KLRG1: variants seen among roughly 807,000 people sequenced by gnomAD.
KLRG1 encodes killer cell lectin-like receptor subfamily G member 1.
Under a neutral mutation model 21.8 loss-of-function variants are expected in KLRG1, and 16 were observed. That is an observed-to-expected ratio of 0.73 (90% CI 0.50 to 1.11). The LOEUF (loss-of-function observed/expected upper bound fraction) is 1.11, where lower values mean the gene tolerates loss of function less well. Among genes scored for constraint, KLRG1 ranks in the 50% most tolerant of loss-of-function variants. KLRG1 has a pLI of 0.00. For missense variants in KLRG1, 173 were observed against 218.3 expected (o/e 0.79, Z 1.31); for synonymous variants, 69 against 75.9 (o/e 0.91, Z 0.47).
the KLRG1 span, chr12:9,077,305 T>C: frequency 6.4e-7 from 1 of 1,562,234 alleles, no homozygotes; most frequent in Non-Finnish European, 8.8e-7. Context: ...TTTCATTGCA[T>C]CCAGAACTCT....
chr12:9,083,156 C>T, the KLRG1 span, among the ~76,000 whole-genome samples: 89 of 152,142 alleles, frequency 5.8e-4, 1 homozygote, highest in African/African-American at 2.0e-3. Flanking sequence ...AAACAAACAC[C>T]GCATGTTCTC....
chr12:9,195,208 T>C, the KLRG1 span, among the ~76,000 whole-genome samples: 1 of 152,050 alleles, frequency 6.6e-6, no homozygotes, highest in African/African-American at 2.4e-5. Flanking sequence ...CTCCCCAAAA[T>C]TGATACTATG....
At chr12:8,995,349 C>G (rs1947098800) in intron 3 of KLRG1, 61 bp downstream of exon 3, 2 of 1,422,308 alleles carry the variant, frequency 1.4e-6, no homozygotes, top group African/African-American at 2.9e-5. Flanking sequence ...TGTTTTTAAA[C>G]TGCTATTTAA....
chr12:8,951,152 T>G (rs752827022), intron 1 of KLRG1, among the ~76,000 whole-genome samples: 15 of 152,284 alleles, frequency 9.9e-5, no homozygotes, highest in Non-Finnish European at 2.1e-4. Flanking sequence ...TGTATTTCCT[T>G]CATGAATATA....
chr12:9,164,259 C>T, the KLRG1 span: 3 of 1,612,622 alleles, frequency 1.9e-6, no homozygotes, highest in African/African-American at 2.7e-5. Flanking sequence ...TGCACACTGA[C>T]CTATCACCCC....
chr12:9,151,179 C>T, the KLRG1 span, among the ~76,000 whole-genome samples: 1 of 152,104 alleles, frequency 6.6e-6, no homozygotes, highest in African/African-American at 2.4e-5. Flanking sequence ...AGAATGTTAA[C>T]ATTATCATTA....
chr12:9,093,292 AT>A, the KLRG1 span, among the ~76,000 whole-genome samples: 4 of 152,178 alleles, frequency 2.6e-5, no homozygotes. Context: ...GGATGTGTTA[AT>A]TTGCTTGACT....
chr12:9,192,351 T>G, the KLRG1 span: 1 of 1,357,958 alleles, frequency 7.4e-7, no homozygotes, highest in Non-Finnish European at 1.0e-6. Flanking sequence ...GTCAAGTCTG[T>G]GCTGGAGAGA....
chr12:9,174,821 C>A, the KLRG1 span, among the ~76,000 whole-genome samples: 1 of 152,170 alleles, frequency 6.6e-6, no homozygotes, highest in Admixed American at 6.5e-5. Context: ...AGGACACAAA[C>A]AAATGGAGAA....
chr12:9,093,355 T>C, the KLRG1 span: 1 of 713,494 alleles, frequency 1.4e-6, no homozygotes, highest in South Asian at 1.7e-5. Context: ...CAAAACATCA[T>C]GTTGTACATC....
At chr12:8,986,731 C>A (rs1946847187), upstream of KLRG1, among the ~76,000 whole-genome samples, 1 of 152,110 alleles carries the variant, frequency 6.6e-6, no homozygotes, top group African/African-American at 2.4e-5. Context: ...GGATCTGCAT[C>A]CCCACCCAAA....
chr12:9,179,516 C>T, the KLRG1 span, among the ~76,000 whole-genome samples: 1 of 152,160 alleles, frequency 6.6e-6, no homozygotes, highest in South Asian at 2.1e-4. Context: ...ACATTGCTAA[C>T]AAAGGTGTAG....
At chr12:9,130,572 G>GGCA in the KLRG1 span, among the ~76,000 whole-genome samples, 51 of 151,584 alleles carry the variant, frequency 3.4e-4, no homozygotes, top group Non-Finnish European at 6.6e-4. Flanking sequence ...CCTTTTCAAT[G>GGCA]TTTATTAGCC....
chr12:9,104,853 G>A, the KLRG1 span, among the ~76,000 whole-genome samples: 2 of 152,102 alleles, frequency 1.3e-5, no homozygotes, highest in Admixed American at 1.3e-4. Flanking sequence ...ATTTTGGAGT[G>A]GACCATTAAC....
chr12:9,021,403 C>CTTT, the KLRG1 span, among the ~76,000 whole-genome samples: 3 of 137,774 alleles, frequency 2.2e-5, no homozygotes, highest in East Asian at 2.0e-4. Context: ...CTTTTTTACT[C>CTTT]TTTTTTTTTT....
chr12:9,133,199 G>A, the KLRG1 span, among the ~76,000 whole-genome samples: 1 of 152,186 alleles, frequency 6.6e-6, no homozygotes, highest in Non-Finnish European at 1.5e-5. Context: ...AGCTATTCAA[G>A]TAGGGAGCTG....
At chr12:9,000,152 A>G (rs765043892) in intron 3 of KLRG1, among the ~76,000 whole-genome samples, 11 of 152,340 alleles carry the variant, frequency 7.2e-5, no homozygotes, top group Admixed American at 2.0e-4. Context: ...AGAGTAAATT[A>G]TGACTTGTTG....
the KLRG1 span, among the ~76,000 whole-genome samples, chr12:9,206,143 C>T: frequency 6.6e-6 from 1 of 152,208 alleles, no homozygotes; most frequent in Non-Finnish European, 1.5e-5. Flanking sequence ...TTCTGATCTC[C>T]TGATCACTGC....
chr12:9,016,270 G>GA, the KLRG1 span, among the ~76,000 whole-genome samples: 1 of 150,978 alleles, frequency 6.6e-6, no homozygotes, highest in Non-Finnish European at 1.5e-5. Context: ...TACTACGTAA[G>GA]AAAAAAAAGA....
Sources: gnomAD v4.1 joint callset for allele counts (sites outside exome capture counted in the v4.1 genomes callset) on GRCh38, gnomAD v4.1.1 for gene constraint, MANE v1.5 for transcripts, NCBI Gene and HGNC (gene_info 2026-07-23, HGNC 2026-07-21) for gene names.